DSCAM: variants seen among roughly 807,000 people sequenced by gnomAD.
DSCAM encodes the protein DS cell adhesion molecule.
DSCAM carries 47 observed loss-of-function variants against 217.7 expected under a neutral mutation model. That is an observed-to-expected ratio of 0.22 (90% confidence interval 0.17 to 0.28). DSCAM has a LOEUF of 0.28. DSCAM is among the 10% of genes least tolerant of loss of function. DSCAM has a pLI of 1.00. For missense variants in DSCAM, 2,080 were observed against 2,618.3 expected, an observed-to-expected ratio of 0.79 and a Z score of 4.49; for synonymous variants, 1,056 against 1,015.3, an observed-to-expected ratio of 1.04 and a Z score of -0.76.
At chr21:40,014,117 G>C (rs907243727) in intron 32 of DSCAM, among the ~76,000 whole-genome samples, 1 of 152,218 alleles carries the variant, frequency 6.6e-6, no homozygotes, top group African/African-American at 2.4e-5. Flanking sequence ...GGCTGGGCAC[G>C]GTGTGCCTCA....
At chr21:40,362,000 T>C (rs139144025) in intron 4 of DSCAM, among the ~76,000 whole-genome samples, 2,011 of 152,190 alleles carry the variant, frequency 0.013, 19 homozygotes, top group Non-Finnish European at 0.022. Flanking sequence ...TCAATTCCCA[T>C]CTATGAGTGA....
intron 19 of DSCAM, among the ~76,000 whole-genome samples, chr21:40,127,046 A>G (rs1176242052): frequency 6.6e-6 from 1 of 152,206 alleles, no homozygotes; most frequent in Admixed American, 6.5e-5. Context: ...GTCCTGGACA[A>G]GCTGATTAAC....
intron 27 of DSCAM, among the ~76,000 whole-genome samples, chr21:40,072,026 G>A (rs956283221): frequency 1.3e-5 from 2 of 152,174 alleles, no homozygotes; most frequent in African/African-American, 2.4e-5. Context: ...TTTTATGGCA[G>A]TGCTTTGCAC....
chr21:40,772,960 C>G (rs1246211525), intron 1 of DSCAM, among the ~76,000 whole-genome samples: 1 of 152,258 alleles, frequency 6.6e-6, no homozygotes, highest in African/African-American at 2.4e-5. Flanking sequence ...CTCCCAGCAG[C>G]CCACAGTCAG....
chr21:40,114,716 A>G (rs1421815171), intron 20 of DSCAM, among the ~76,000 whole-genome samples: 2 of 152,222 alleles, frequency 1.3e-5, no homozygotes, highest in Non-Finnish European at 2.9e-5. Context: ...CAAATTTACA[A>G]GAAAAAAACA....
At position 40,398,637 on chromosome 21, in the gene DSCAM, C is replaced by CTT. The variant is rs538905441; in HGVS notation, c.509-29394_509-29393dup. ...AGTTTCTTTCCTTTCTTTTTTCTTT[C>CTT]TTTTTTTTTTTTTTTTGAGATGGAG... On this transcript the variant is annotated intron_variant, in intron 3 of 32. Coordinates refer to ENST00000400454, the MANE Select transcript of DSCAM (RefSeq NM_001389.5). 3.0e-3 allele frequency among the ~76,000 whole-genome samples: 396 copies of CTT among 132,054 alleles called. 3 individuals carry two copies. The highest frequency in any genetic ancestry group is 5.1e-3 in the South Asian group (21 of 4,102). 86.6% of individuals were successfully genotyped at this position (132,054 alleles called of 152,430 possible).
chr21:40,097,275 G>C (rs904564864), intron 20 of DSCAM, among the ~76,000 whole-genome samples: 1 of 152,110 alleles, frequency 6.6e-6, no homozygotes, highest in Non-Finnish European at 1.5e-5. Flanking sequence ...GGAAGTATAT[G>C]ATTGTAAGTT....
At chr21:40,798,035 G>A (rs560362075) in intron 1 of DSCAM, among the ~76,000 whole-genome samples, 9 of 152,098 alleles carry the variant, frequency 5.9e-5, no homozygotes, top group Admixed American at 3.3e-4. Context: ...ACAGAAGATA[G>A]TAATACTATC....
intron 32 of DSCAM, among the ~76,000 whole-genome samples, chr21:40,020,401 A>G (rs1428732180): frequency 6.6e-6 from 1 of 152,076 alleles, no homozygotes; most frequent in Non-Finnish European, 1.5e-5. Context: ...TAAAACTTCT[A>G]TCCACGAAAT....
At chr21:40,057,113 G>A (rs2089037768) in intron 28 of DSCAM, among the ~76,000 whole-genome samples, 1 of 152,204 alleles carries the variant, frequency 6.6e-6, no homozygotes, top group South Asian at 2.1e-4. Flanking sequence ...TCTGAAAGGT[G>A]CAACATTCCT....
chr21:40,448,262 A>G (rs1601651953), intron 3 of DSCAM, among the ~76,000 whole-genome samples: 1 of 152,216 alleles, frequency 6.6e-6, no homozygotes, highest in South Asian at 2.1e-4. Context: ...ACGTAGGCAC[A>G]CACCATCCAA....
At chr21:40,220,843 GTCATTTATCCTTCTGCGC>G (rs2091283563) in intron 11 of DSCAM, among the ~76,000 whole-genome samples, 1 of 152,154 alleles carries the variant, frequency 6.6e-6, no homozygotes, top group African/African-American at 2.4e-5. Context: ...CCAAAAGGTG[GTCATTTATCCTTCTGCGC>G]TCATCACTGT....
rs981352539 is a variant in DSCAM at position 40,349,991 on chromosome 21, T to C, written c.935-2046A>G. Among the ~76,000 whole-genome samples, 12 of 152,186 alleles carry C rather than the reference T, an allele frequency of 7.9e-5. 1 individual carries two copies. The highest frequency in any genetic ancestry group is 3.3e-4 in the Admixed American group (5 of 15,288). On this transcript the variant is annotated intron_variant, in intron 5 of 32. Coordinates refer to ENST00000400454, the MANE Select transcript of DSCAM (RefSeq NM_001389.5). Reference sequence around the variant, plus strand: ...ATCTTTTAAATTAACAAACATCTCTTGTAGATGGCAGATGGCTAAGATTTG... The same window carrying C: ...ATCTTTTAAATTAACAAACATCTCTCGTAGATGGCAGATGGCTAAGATTTG...
intron 11 of DSCAM, among the ~76,000 whole-genome samples, chr21:40,257,876 A>G (rs1054946341): frequency 6.6e-6 from 1 of 152,148 alleles, no homozygotes; most frequent in Non-Finnish European, 1.5e-5. Flanking sequence ...CTGTTAATGC[A>G]GTTTATGGCT....
At position 40,548,471 on chromosome 21, in the gene DSCAM, A is replaced by G. The variant is rs1277370835; in HGVS notation, c.508+144339T>C. ...ACCCGTGAGCAATTTACAATCCTGG[A>G]TGTAATTAATCTTCAACTGAAAATA... On this transcript the variant is annotated intron_variant, in intron 3 of 32. Transcript: ENST00000400454. Among the ~76,000 whole-genome samples the G allele has an allele frequency of 2.0e-5, 3 of 151,054 alleles. No individual in the cohort carries two copies. The East Asian group carries it at 5.8e-4, about 29-fold the overall frequency.
chr21:40,213,726 C>T (rs561566940), intron 11 of DSCAM, among the ~76,000 whole-genome samples: 2 of 152,218 alleles, frequency 1.3e-5, no homozygotes, highest in East Asian at 3.9e-4. Context: ...GTTCCTTCTC[C>T]ATGAAAATAA....
At chr21:40,196,013 C>T (rs1264136707) in intron 11 of DSCAM, among the ~76,000 whole-genome samples, 1 of 152,240 alleles carries the variant, frequency 6.6e-6, no homozygotes, top group Admixed American at 6.5e-5. Context: ...TTTAAAACTA[C>T]CTTGGGTAAA....
intron 11 of DSCAM, among the ~76,000 whole-genome samples, chr21:40,271,976 A>G (rs2073623410): frequency 6.6e-6 from 1 of 152,162 alleles, no homozygotes; most frequent in African/African-American, 2.4e-5. Flanking sequence ...CTTCGGAGAA[A>G]GGAATAGACC....
intron 3 of DSCAM, among the ~76,000 whole-genome samples, chr21:40,685,172 T>A (rs1191578557): frequency 6.6e-6 from 1 of 152,194 alleles, no homozygotes; most frequent in Non-Finnish European, 1.5e-5. Context: ...TGCAAAGTGA[T>A]CGTTGAATGT....
Sources: gnomAD v4.1 joint callset for allele counts (sites outside exome capture counted in the v4.1 genomes callset) on GRCh38, gnomAD v4.1.1 for gene constraint, MANE v1.5 for transcripts, NCBI Gene and HGNC (gene_info 2026-07-23, HGNC 2026-07-21) for gene names.